TAB3: variants seen among roughly 807,000 people sequenced by gnomAD.
The protein encoded by TAB3 is TGF-beta activated kinase 1 (MAP3K7) binding protein 3.
Under a neutral mutation model 48.1 loss-of-function variants are expected in TAB3, and 18 were observed. The ratio of observed to expected loss-of-function variants is 0.37; its 90% CI spans 0.26 to 0.55. The LOEUF is 0.55. TAB3 is among the 20% of genes least tolerant of loss of function. The probability of loss-of-function intolerance (pLI) is 0.78; values close to 1 mark genes in which losing one functional copy is unlikely to be tolerated. For missense variants in TAB3, 414 were observed against 549.8 expected (o/e 0.75, Z 2.47); for synonymous variants, 185 against 190.2 (o/e 0.97, Z 0.22).
Position 30,831,255 on chromosome X carries a change from G to T in TAB3, c.*172C>A. The T allele has an allele frequency of 2.2e-6, 1 of 459,209 alleles. No homozygotes were observed. 37.8% of individuals were successfully genotyped at this position (459,209 alleles called of 1,213,427 possible). A position where few individuals can be genotyped will look rare whatever the true frequency, so the allele number is the denominator to read the frequency against. The stretch of plus-strand genomic sequence containing the variant: ...GTGAGTTAAGAAAGGAGAAAAAAAA[G>T]ACCTCCCCATTTTTCCTTTCGTGAG... On this transcript the variant is annotated 3_prime_UTR_variant, in exon 11 of 11. Transcript: ENST00000288422.
Position 30,854,438 on chromosome X carries a change from A to G in TAB3, c.1227T>C (p.Ser409=). ...LYTATTPPSS[S]PSRGISSQPK... is the part of the protein sequence containing the mutation. Reference sequence around the variant, plus strand: ...GTTGACTAGATATCCCTCTTGAAGGAGAACTTGAAGGTGGCGTGGTGGCTG... The same window carrying G: ...GTTGACTAGATATCCCTCTTGAAGGGGAACTTGAAGGTGGCGTGGTGGCTG... Residue 409 remains serine (S), a synonymous_variant, in exon 6 of 11, where the codon TCT becomes TCC. Transcript: ENST00000288422. 1 of 1,211,615 alleles carries G rather than the reference A, an allele frequency of 8.3e-7. No homozygotes were observed.
intron 7 of TAB3, 84 bp from the exon 8 acceptor site, chrX:30,846,728 T>C (rs749345327): frequency 1.2e-5 from 7 of 583,477 alleles, no homozygotes; most frequent in Admixed American, 2.7e-5. Context: ...ATGTTAATTG[T>C]AATGATTGGG....
intron 8 of TAB3, chrX:30,845,401 C>G (rs1938592151): frequency 8.9e-6 from 1 of 111,977 alleles, no homozygotes; most frequent in African/African-American, 3.2e-5. Flanking sequence ...CTTACATAAA[C>G]CACACCCATG....
At chrX:30,842,039 C>T (rs1050918176) in intron 9 of TAB3, among the ~76,000 whole-genome samples, 2 of 112,333 alleles carry the variant, frequency 1.8e-5, no homozygotes, top group Non-Finnish European at 3.8e-5. Context: ...GAACTCCTGG[C>T]CTCATGTGAT....
At chrX:30,844,812 A>G (rs1391029239) in intron 8 of TAB3, 1 of 111,961 alleles carries the variant, frequency 8.9e-6, no homozygotes, top group African/African-American at 3.2e-5. Context: ...ACCTGCCACT[A>G]ATCTTTAATC....
At chrX:30,856,074 A>C (rs1048461916) in intron 5 of TAB3, among the ~76,000 whole-genome samples, 8 of 112,339 alleles carry the variant, frequency 7.1e-5, no homozygotes, top group Non-Finnish European at 1.3e-4. Flanking sequence ...AAGAGTTAAA[A>C]CAATAAAAAT....
At chrX:30,877,499 C>T (rs146302537) in intron 1 of TAB3, among the ~76,000 whole-genome samples, 1,426 of 112,052 alleles carry the variant, frequency 0.013, 17 homozygotes, top group African/African-American at 0.04. Context: ...ATATGTATGT[C>T]ACAAGGTAGG....
chrX:30,864,596 G>A (rs1756505099), intron 4 of TAB3, among the ~76,000 whole-genome samples: 1 of 112,257 alleles, frequency 8.9e-6, no homozygotes, highest in Non-Finnish European at 1.9e-5. Flanking sequence ...AAATGATGTC[G>A]ACATCTAGTG....
intron 2 of TAB3, among the ~76,000 whole-genome samples, chrX:30,868,177 G>A (rs1209452373): frequency 9.7e-6 from 1 of 103,104 alleles, no homozygotes; most frequent in Non-Finnish European, 2.0e-5. Context: ...GATTACAGGT[G>A]TGAGCCACCA....
In TAB3 at chrX:30,855,185, T is replaced by C. The variant is rs765871016; in HGVS notation, c.480A>G (p.Pro160=). Residue 160 remains proline (P), a synonymous_variant, in exon 6 of 11, where the codon CCA becomes CCG. Coordinates refer to ENST00000288422, the MANE Select transcript of TAB3 (RefSeq NM_152787.5). ...GATTCATTCCTGTTTGCATGGAAGA[T>C]GGCTGTTGAGGTGGTTGTGAAGGAG... ...ATPPSQPPQQ[P]SSMQTGMNPS... is the part of the protein sequence containing the mutation. The C allele has an allele frequency of 1.7e-6, 2 of 1,211,967 alleles. No homozygotes were observed. Among genetic ancestry groups the C allele is most frequent in the East Asian group, 5.9e-5 (2 of 33,855 alleles).
intron 9 of TAB3, chrX:30,835,503 TGG>T (rs1356749280): frequency 1.8e-5 from 2 of 112,140 alleles, no homozygotes; most frequent in Non-Finnish European, 3.8e-5. Context: ...CAAGGTCAGG[TGG>T]CCAAGATGAC....
At chrX:30,847,708 G>A (rs1274944052) in intron 7 of TAB3, among the ~76,000 whole-genome samples, 1 of 110,933 alleles carries the variant, frequency 9.0e-6, no homozygotes, top group African/African-American at 3.3e-5. Flanking sequence ...TTTGCTAAAC[G>A]CTAAATATGT....
intron 2 of TAB3, among the ~76,000 whole-genome samples, chrX:30,868,567 T>A (rs918960650): frequency 3.7e-4 from 1 of 2,736 alleles, no homozygotes; most frequent in Non-Finnish European, 4.8e-4. Context: ...TATATATAGC[T>A]TATATATATA....
intron 7 of TAB3, among the ~76,000 whole-genome samples, chrX:30,851,548 A>T (rs1031185447): frequency 8.9e-6 from 1 of 112,040 alleles, no homozygotes; most frequent in Non-Finnish European, 1.9e-5. Context: ...TGAAAATCTG[A>T]TGAAAGCTAT....
At chrX:30,868,617 AGC>A (rs773505510) in intron 2 of TAB3, among the ~76,000 whole-genome samples, 1,687 of 62,548 alleles carry the variant, frequency 0.027, 493 homozygotes, top group African/African-American at 0.033. Flanking sequence ...AGAGAGAGAG[AGC>A]GCGTGGGGGG....
chrX:30,838,778 T>C (rs1241450171), intron 9 of TAB3, among the ~76,000 whole-genome samples: 7 of 112,039 alleles, frequency 6.2e-5, no homozygotes, highest in African/African-American at 9.7e-5. Flanking sequence ...TTTGATGGTA[T>C]TGTAAATGAA....
At chrX:30,866,479 T>C (rs1281653585) in intron 4 of TAB3, among the ~76,000 whole-genome samples, 1 of 110,151 alleles carries the variant, frequency 9.1e-6, no homozygotes, top group East Asian at 2.8e-4. Context: ...AGGATGAGCC[T>C]GGAGCATCTT....
intron 7 of TAB3, among the ~76,000 whole-genome samples, chrX:30,847,150 A>G (rs1346540372): frequency 9.0e-6 from 1 of 111,594 alleles, no homozygotes. Flanking sequence ...TGAGGCACAG[A>G]GAGGTTATAT....
chrX:30,833,619 C>T (rs1487829604), intron 10 of TAB3, among the ~76,000 whole-genome samples: 1 of 109,940 alleles, frequency 9.1e-6, no homozygotes, highest in Non-Finnish European at 1.9e-5. Context: ...ATCACGAGGT[C>T]AGGAGATCGA....
Sources: allele counts gnomAD v4.1 joint callset (sites outside exome capture counted in the v4.1 genomes callset), GRCh38; gene constraint gnomAD v4.1.1; transcripts MANE v1.5; gene names NCBI Gene and HGNC (gene_info 2026-07-23, HGNC 2026-07-21).